CEP112: variants seen among roughly 807,000 people sequenced by gnomAD.
CEP112 encodes the protein centrosomal protein of 112 kDa.
CEP112 carries 127 observed loss-of-function variants against 153.0 expected under a neutral mutation model. The ratio of observed to expected loss-of-function variants is 0.83; its 90% CI spans 0.72 to 0.96. The LOEUF (loss-of-function observed/expected upper bound fraction) is 0.96, where lower values mean the gene tolerates loss of function less well. Among genes scored for constraint, CEP112 ranks in the 40% least tolerant of loss-of-function variants. The pLI is 0.00. For missense variants in CEP112, 1,089 were observed against 1,101.2 expected, an observed-to-expected ratio of 0.99 and a Z score of 0.16; for synonymous variants, 358 against 374.4, an observed-to-expected ratio of 0.96 and a Z score of 0.51.
Position 65,693,227 on chromosome 17 carries a change from G to A in CEP112, c.2608-4009C>T, listed in dbSNP as rs232130. On this transcript the variant is annotated intron_variant, in intron 23 of 26. Transcript: ENST00000535342. ...GCAGAACCCTGAGAGTGCTACACTC[G>A]GCGTCCCACACCCTGCCCCATTCAC... 9.8e-3 allele frequency among the ~76,000 whole-genome samples: 1,484 copies of A among 151,962 alleles called. 22 individuals are homozygous for A. Among genetic ancestry groups the A allele is most frequent in the African/African-American group, 0.034 (1,407 of 41,422 alleles).
chr17:65,806,564 CT>C (rs2055613207), intron 21 of CEP112, among the ~76,000 whole-genome samples: 1 of 152,316 alleles, frequency 6.6e-6, no homozygotes. Flanking sequence ...GGGGAGGGCC[CT>C]GGTGGGAGGT....
At chr17:65,713,487 T>C (rs2049313856) in intron 23 of CEP112, among the ~76,000 whole-genome samples, 2 of 152,242 alleles carry the variant, frequency 1.3e-5, no homozygotes, top group Non-Finnish European at 2.9e-5. Context: ...AAACATACTC[T>C]TGTGAAGGCA....
intron 8 of CEP112, among the ~76,000 whole-genome samples, chr17:66,093,195 T>C (rs1325604628): frequency 6.6e-6 from 1 of 151,928 alleles, no homozygotes; most frequent in Non-Finnish European, 1.5e-5. Flanking sequence ...TATATATATA[T>C]ATGGCACACA....
chr17:65,721,560 T>A (rs183331018), intron 23 of CEP112, among the ~76,000 whole-genome samples: 28 of 152,324 alleles, frequency 1.8e-4, no homozygotes, highest in African/African-American at 6.7e-4. Flanking sequence ...ATATTGATCA[T>A]CTAGCATCAT....
chr17:65,878,921 T>C (rs2058950368), intron 20 of CEP112, among the ~76,000 whole-genome samples: 1 of 152,052 alleles, frequency 6.6e-6, no homozygotes, highest in Non-Finnish European at 1.5e-5. Context: ...CCTCTCTTCA[T>C]TCCAGCCCTT....
intron 17 of CEP112, among the ~76,000 whole-genome samples, chr17:65,970,411 G>A (rs1159389370): frequency 6.3e-5 from 6 of 95,956 alleles, no homozygotes. Flanking sequence ...CACACATCAT[G>A]CATGTATATT....
intron 4 of CEP112, among the ~76,000 whole-genome samples, chr17:66,167,282 A>G (rs994585081): frequency 2.6e-5 from 4 of 152,148 alleles, no homozygotes; most frequent in African/African-American, 9.7e-5. Flanking sequence ...GCCCTGATGA[A>G]CTATTACAAT....
chr17:65,875,602 C>T (rs2058801820), intron 20 of CEP112, among the ~76,000 whole-genome samples: 1 of 152,142 alleles, frequency 6.6e-6, no homozygotes, highest in Non-Finnish European at 1.5e-5. Flanking sequence ...AGTTGTGTCA[C>T]AATTTTTAAT....
At chr17:65,977,493 A>AC (rs1340476164) in intron 17 of CEP112, among the ~76,000 whole-genome samples, 2 of 152,168 alleles carry the variant, frequency 1.3e-5, no homozygotes, top group African/African-American at 4.8e-5. Context: ...AGCTCTTTGT[A>AC]CCTCAGAACA....
At chr17:65,741,474 T>A (rs2051133850) in intron 23 of CEP112, among the ~76,000 whole-genome samples, 1 of 150,958 alleles carries the variant, frequency 6.6e-6, no homozygotes, top group Non-Finnish European at 1.5e-5. Context: ...TTATATATAT[T>A]ATAAAACTGT....
chr17:65,747,935 C>A (rs2051575459), intron 22 of CEP112, among the ~76,000 whole-genome samples: 2 of 152,252 alleles, frequency 1.3e-5, no homozygotes, highest in Non-Finnish European at 2.9e-5. Context: ...CTAATGCATT[C>A]ATTTTCTTTT....
intron 6 of CEP112, among the ~76,000 whole-genome samples, chr17:66,113,899 T>G (rs112235252): frequency 6.6e-6 from 1 of 152,310 alleles, no homozygotes; most frequent in African/African-American, 2.4e-5. Context: ...TGCTTTGAAG[T>G]TCAATGTTCC....
intron 21 of CEP112, among the ~76,000 whole-genome samples, chr17:65,765,378 A>G (rs191617194): frequency 7.2e-4 from 108 of 150,602 alleles, no homozygotes; most frequent in African/African-American, 2.6e-3. Context: ...GTGCTTGTAA[A>G]ACAGTTTTTC....
chr17:65,701,387 C>T (rs146283606), intron 23 of CEP112, among the ~76,000 whole-genome samples: 3,414 of 152,282 alleles, frequency 0.022, 43 homozygotes, highest in Non-Finnish European at 0.035. Flanking sequence ...TTCTGCATGA[C>T]ACGGATTCAA....
intron 24 of CEP112, among the ~76,000 whole-genome samples, chr17:65,663,489 G>A (rs935239468): frequency 1.3e-5 from 2 of 152,220 alleles, no homozygotes; most frequent in East Asian, 1.9e-4. Context: ...AAAGGGGGGC[G>A]GCCAGTAGAA....
chr17:65,918,938 A>G lies in CEP112; in HGVS notation c.1980+8644T>C, dbSNP rs538879931. Among the ~76,000 whole-genome samples, 3 of 152,264 alleles carry G rather than the reference A, an allele frequency of 2.0e-5. No individual in the cohort carries two copies. In the East Asian group the frequency reaches 5.8e-4, roughly 29 times the overall value. On this transcript the variant is annotated intron_variant, in intron 19 of 26. Transcript: ENST00000535342. ...GTAAGAGAGGGGCTCAAAAATTAAAACTGGAGAAGGAAACTGAGGCCCAGA... is the reference window on the plus strand; with the variant it reads ...GTAAGAGAGGGGCTCAAAAATTAAAGCTGGAGAAGGAAACTGAGGCCCAGA...
chr17:66,111,228 GGAGAA>G (rs1275752171), intron 6 of CEP112, among the ~76,000 whole-genome samples: 4 of 152,184 alleles, frequency 2.6e-5, no homozygotes, highest in Non-Finnish European at 2.9e-5. Flanking sequence ...GCAAGGTTGT[GGAGAA>G]GAGAACACTT....
Position 66,176,896 on chromosome 17 carries a change from A to G in CEP112, c.231T>C (p.Gly77=). 9.9e-6 allele frequency: 16 copies of G among 1,613,898 alleles called. No homozygotes were observed. The highest frequency in any genetic ancestry group is 1.3e-5 in the African/African-American group (1 of 75,020). The change falls in exon 3 of 27, where the codon GGT becomes GGC. Residue 77 remains glycine, a synonymous_variant. Transcript: ENST00000535342. The stretch of plus-strand genomic sequence containing the variant: ...GGTGTGTAAAAGGGCCTTCAAGCGC[A>G]CCTCGTTTAAGCATATGCAATAACA... ...AKLLLHMLKR[G]ALEGPFTHRP...
intron 21 of CEP112, among the ~76,000 whole-genome samples, chr17:65,831,226 G>A (rs1402851720): frequency 6.6e-6 from 1 of 152,188 alleles, no homozygotes; most frequent in South Asian, 2.1e-4. Flanking sequence ...GACAAACTGT[G>A]AAATATCAGA....
Sources: gnomAD v4.1 joint callset for allele counts (sites outside exome capture counted in the v4.1 genomes callset) on GRCh38, gnomAD v4.1.1 for gene constraint, MANE v1.5 for transcripts, NCBI Gene and HGNC (gene_info 2026-07-23, HGNC 2026-07-21) for gene names.